TMPRSS11E: variants seen among roughly 807,000 people sequenced by gnomAD.
The protein encoded by TMPRSS11E is transmembrane protease serine 11E.
A neutral mutation model predicts 48.1 loss-of-function variants in TMPRSS11E; 38 were observed. The ratio of observed to expected loss-of-function variants is 0.79; its 90% CI spans 0.61 to 1.04. The LOEUF (loss-of-function observed/expected upper bound fraction) is 1.04, where lower values mean the gene tolerates loss of function less well. TMPRSS11E is among the 50% of genes least tolerant of loss of function. The pLI is 0.00. For missense variants in TMPRSS11E, 530 were observed against 510.8 expected, an observed-to-expected ratio of 1.04 and a Z score of -0.36; for synonymous variants, 158 against 171.9, an observed-to-expected ratio of 0.92 and a Z score of 0.63.
intron 9 of TMPRSS11E, among the ~76,000 whole-genome samples, chr4:68,482,219 A>G (rs1729423546): frequency 6.6e-6 from 1 of 152,014 alleles, no homozygotes; most frequent in Non-Finnish European, 1.5e-5. Context: ...CTCACTCACT[A>G]TTGCAAAGAT....
chr4:68,480,548 G>A (rs948935579), intron 9 of TMPRSS11E, among the ~76,000 whole-genome samples: 8 of 151,788 alleles, frequency 5.3e-5, no homozygotes, highest in African/African-American at 1.9e-4. Context: ...AAACATGATG[G>A]TAATTGCTCA....
chr4:68,471,630 T>A lies in TMPRSS11E; in HGVS notation c.490+7T>A. On this transcript the variant is annotated splice_region_variant and intron_variant, in intron 5 of 9. Transcript: ENST00000305363. ...CACTCAGTTAAAATTAAAAGTAAGT[T>A]AATTTCTCTTATTTTTCTTTCATAG... 1.3e-6 allele frequency: 2 copies of A among 1,558,110 alleles called. No homozygotes were observed. The highest frequency in any genetic ancestry group is 1.7e-6 in the Non-Finnish European group (2 of 1,156,490).
Position 68,478,858 on chromosome 4 carries a change from A to C in TMPRSS11E, c.977A>C (p.Gln326Pro). The change falls in exon 9 of 10, where the codon CAA (glutamine) becomes CCA (proline). Residue 326 changes from glutamine (Q) to proline (P), a missense_variant. Transcript: ENST00000305363. ...CTTTTTTTTCTTTTAGGTTACAGTC[A>C]AAATCATCTTCGACAAGCACAGGTG... is the stretch of plus-strand genomic sequence containing the variant. Reference protein sequence around the residue: ...FGALKNDGYSQNHLRQAQVTL... With the variant: ...FGALKNDGYSPNHLRQAQVTL... 1.2e-6 allele frequency: 2 copies of C among 1,613,668 alleles called. No homozygotes were observed. Among genetic ancestry groups the C allele is most frequent in the Non-Finnish European group, 1.7e-6 (2 of 1,179,850 alleles).
Position 68,497,023 on chromosome 4 carries a change from G to T in TMPRSS11E, c.*219G>T. ...ACTCTGTCATCTGTGAGCAATAGTTGAAACTTTATGTACATAGAGAAATAG... is the reference window on the plus strand; with the variant it reads ...ACTCTGTCATCTGTGAGCAATAGTTTAAACTTTATGTACATAGAGAAATAG... On this transcript the variant is annotated 3_prime_UTR_variant, in exon 10 of 10. Coordinates refer to ENST00000305363, the MANE Select transcript of TMPRSS11E (RefSeq NM_014058.4). The T allele has an allele frequency of 4.1e-6, 2 of 483,238 alleles. No individual in the cohort carries two copies. 29.9% of individuals were successfully genotyped at this position (483,238 alleles called of 1,614,324 possible).
At chr4:68,472,478 G>A (rs1007303396) in intron 5 of TMPRSS11E, among the ~76,000 whole-genome samples, 13 of 152,010 alleles carry the variant, frequency 8.6e-5, no homozygotes, top group Admixed American at 3.9e-4. Context: ...GGAATCTAGC[G>A]TACATTTTAT....
intron 3 of TMPRSS11E, among the ~76,000 whole-genome samples, chr4:68,467,674 C>G (rs1281553649): frequency 1.3e-5 from 2 of 152,114 alleles, no homozygotes; most frequent in Non-Finnish European, 2.9e-5. Context: ...GAAGTGAGAC[C>G]CTGGAAACCG....
intron 1 of TMPRSS11E, among the ~76,000 whole-genome samples, chr4:68,455,487 G>A (rs1409775022): frequency 1.3e-5 from 2 of 151,998 alleles, no homozygotes; most frequent in South Asian, 2.1e-4. Context: ...CTAAGACATA[G>A]GTTACTGGTT....
At chr4:68,453,993 T>C (rs1728563077) in intron 1 of TMPRSS11E, among the ~76,000 whole-genome samples, 1 of 151,930 alleles carries the variant, frequency 6.6e-6, no homozygotes, top group South Asian at 2.1e-4. Context: ...GAGACTCCAT[T>C]GGAAAGAAAG....
intron 5 of TMPRSS11E, among the ~76,000 whole-genome samples, chr4:68,471,960 A>G (rs989063878): frequency 1.3e-5 from 2 of 151,898 alleles, no homozygotes; most frequent in Non-Finnish European, 2.9e-5. Flanking sequence ...AGGGTGTGGT[A>G]TATGGAAAGG....
At position 68,461,862 on chromosome 4, in the gene TMPRSS11E, C is replaced by T; in HGVS notation, c.53C>T (p.Pro18Leu). 2 of 1,614,136 alleles carry T rather than the reference C, an allele frequency of 1.2e-6. No individual in the cohort carries two copies. Among genetic ancestry groups the T allele is most frequent in the Non-Finnish European group, 1.7e-6 (2 of 1,180,016 alleles). The change falls in exon 2 of 10, where the codon CCC becomes CTC. Residue 18 changes from proline to leucine, a missense_variant. By Grantham distance (98) the Pro-to-Leu change is moderately conservative. Transcript: ENST00000305363. ...VRARKRVCWE[P>L]WVIGLVIFIS... Reference sequence around the variant, plus strand: ...GCTAGGAAAAGAGTTTGTTGGGAACCCTGGGTTATCGGCCTCGTCATCTTC... The same window carrying T: ...GCTAGGAAAAGAGTTTGTTGGGAACTCTGGGTTATCGGCCTCGTCATCTTC...
chr4:68,494,478 C>T (rs910556521), intron 9 of TMPRSS11E, among the ~76,000 whole-genome samples: 2 of 151,986 alleles, frequency 1.3e-5, no homozygotes, highest in Admixed American at 1.3e-4. Context: ...TTCTTATGCC[C>T]CTATTATTTC....
chr4:68,485,127 C>T lies in TMPRSS11E; in HGVS notation c.1110+6136C>T, dbSNP rs537524103. 1.2e-4 allele frequency among the ~76,000 whole-genome samples: 18 copies of T among 152,024 alleles called. No individual in the cohort carries two copies. The East Asian group carries it at 3.5e-3, about 29-fold the overall frequency. On this transcript the variant is annotated intron_variant, in intron 9 of 9. Transcript: ENST00000305363. ...TATTTTGAAGTATGTTCCTCTGATG[C>T]CTAGTTAGTTCAAGGTTTTTTTCTT...
At chr4:68,485,606 T>C (rs993097469) in intron 9 of TMPRSS11E, among the ~76,000 whole-genome samples, 8 of 152,150 alleles carry the variant, frequency 5.3e-5, no homozygotes, top group African/African-American at 1.7e-4. Flanking sequence ...TGTCCTGAAG[T>C]TTTCTCTTTT....
chr4:68,452,203 AC>A (rs1033336799), intron 1 of TMPRSS11E, among the ~76,000 whole-genome samples: 1 of 151,928 alleles, frequency 6.6e-6, no homozygotes, highest in African/African-American at 2.4e-5. Context: ...ATACAGTCAA[AC>A]AGAAGAGTTA....
At chr4:68,449,302 A>C (rs1227388015) in intron 1 of TMPRSS11E, among the ~76,000 whole-genome samples, 1 of 151,800 alleles carries the variant, frequency 6.6e-6, no homozygotes, top group Middle Eastern at 3.2e-3. Context: ...TATCAGGCAT[A>C]AGTTTATAGA....
intron 5 of TMPRSS11E, among the ~76,000 whole-genome samples, chr4:68,473,726 G>A (rs898094120): frequency 1.9e-4 from 29 of 152,096 alleles, no homozygotes; most frequent in Non-Finnish European, 5.9e-5. Flanking sequence ...AGCCTTGTCA[G>A]TGCTATCAAT....
At chr4:68,487,611 T>G (rs1254724969) in intron 9 of TMPRSS11E, among the ~76,000 whole-genome samples, 2 of 152,094 alleles carry the variant, frequency 1.3e-5, no homozygotes, top group African/African-American at 4.8e-5. Context: ...GCAAGGCAAG[T>G]CTGGTGGTAA....
intron 9 of TMPRSS11E, among the ~76,000 whole-genome samples, chr4:68,490,111 G>T (rs1729674503): frequency 6.6e-6 from 1 of 152,146 alleles, no homozygotes. Flanking sequence ...TTCCCCAGGA[G>T]CCTCTCCAGG....
intron 5 of TMPRSS11E, among the ~76,000 whole-genome samples, chr4:68,473,563 A>G (rs147410815): frequency 0.034 from 5,168 of 152,230 alleles, 306 homozygotes; most frequent in African/African-American, 0.12. Context: ...CCAACACTAT[A>G]ATCCATTATC....
Sources: allele counts gnomAD v4.1 joint callset (sites outside exome capture counted in the v4.1 genomes callset), GRCh38; gene constraint gnomAD v4.1.1; transcripts MANE v1.5; gene names NCBI Gene and HGNC (gene_info 2026-07-23, HGNC 2026-07-21).